LNPEP: variants seen among roughly 807,000 people sequenced by gnomAD.
LNPEP encodes leucyl and cystinyl aminopeptidase, also known as leucyl-cystinyl aminopeptidase.
A neutral mutation model predicts 120.6 loss-of-function variants in LNPEP; 64 were observed. The observed-to-expected ratio is 0.53, with a 90% CI of 0.43 to 0.65. The LOEUF (loss-of-function observed/expected upper bound fraction) is 0.65. Among genes scored for constraint, LNPEP ranks in the 30% least tolerant of loss-of-function variants. The pLI is 0.00. For synonymous variants in LNPEP, 435 were observed against 425.4 expected (o/e 1.02, Z -0.28); for missense variants, 1,057 against 1,200.0 (o/e 0.88, Z 1.76).
At chr5:96,997,339 G>A (rs1790536967) in intron 7 of LNPEP, among the ~76,000 whole-genome samples, 1 of 151,918 alleles carries the variant, frequency 6.6e-6, no homozygotes, top group Admixed American at 6.6e-5. Context: ...CAAGTGGTAG[G>A]GGAAATTAAT....
Position 97,003,494 on chromosome 5 carries a change from A to G in LNPEP, c.1733A>G (p.Asn578Ser), listed in dbSNP as rs754293178. ...CATGCTGTTGTCCTTTACCTGCATA[A>G]TCACAGCTATGCATCTATTCAAAGT... is the stretch of plus-strand genomic sequence containing the variant. ...FQHAVVLYLH[N>S]HSYASIQSDD... The change falls in exon 9 of 18, where the codon AAT (asparagine) becomes AGT (serine). Residue 578 changes from asparagine to serine, a missense_variant. Transcript: ENST00000231368. 2 of 1,604,294 alleles carry G rather than the reference A, an allele frequency of 1.2e-6. No homozygotes were observed. The highest frequency in any genetic ancestry group is 1.7e-6 in the Non-Finnish European group (2 of 1,172,368).
chr5:97,000,414 A>T (rs1267804954), intron 8 of LNPEP, among the ~76,000 whole-genome samples: 2 of 151,608 alleles, frequency 1.3e-5, no homozygotes, highest in African/African-American at 2.4e-5. Flanking sequence ...CTTGGGTGGC[A>T]TGTGGGAACT....
intron 13 of LNPEP, among the ~76,000 whole-genome samples, chr5:97,018,822 GAC>G (rs1791122886): frequency 5.3e-5 from 8 of 152,270 alleles, no homozygotes; most frequent in Admixed American, 5.2e-4. Context: ...GGCTGCACAT[GAC>G]ATATGCTGCA....
intron 4 of LNPEP, among the ~76,000 whole-genome samples, chr5:96,989,402 ATTATATATAAT>A (rs1790340643): frequency 3.4e-5 from 1 of 29,112 alleles, no homozygotes; most frequent in African/African-American, 1.1e-4. Flanking sequence ...TATATTATAT[ATTATATATAAT>A]ATATAATTAT....
intron 1 of LNPEP, among the ~76,000 whole-genome samples, chr5:96,967,432 A>C (rs948764209): frequency 3.3e-5 from 5 of 152,044 alleles, no homozygotes; most frequent in African/African-American, 9.7e-5. Context: ...GGTATGAACC[A>C]CTGTGCCTGG....
chr5:96,939,692 T>C (rs1288378180), intron 1 of LNPEP, among the ~76,000 whole-genome samples: 2 of 152,170 alleles, frequency 1.3e-5, no homozygotes, highest in East Asian at 3.8e-4. Flanking sequence ...CTTAGTTGTC[T>C]TAAAAAATTA....
chr5:96,936,407 C>T, intron 1 of LNPEP: 1 of 382,730 alleles, frequency 2.6e-6, no homozygotes, highest in Non-Finnish European at 4.7e-6. Flanking sequence ...CCGCCGCTCG[C>T]CCGGGGTGCG....
intron 11 of LNPEP, among the ~76,000 whole-genome samples, chr5:97,009,493 T>C (rs1790873944): frequency 6.6e-6 from 1 of 152,218 alleles, no homozygotes; most frequent in Non-Finnish European, 1.5e-5. Flanking sequence ...AGTCTCACTA[T>C]AAAAATTTCT....
chr5:97,008,693 C>A (rs1479951838), intron 11 of LNPEP, among the ~76,000 whole-genome samples: 2 of 118,220 alleles, frequency 1.7e-5, no homozygotes, highest in Non-Finnish European at 3.3e-5. Flanking sequence ...GAGACAGAGT[C>A]TCGCTCTGTT....
At position 97,034,910 on chromosome 5, in the gene LNPEP, G is replaced by T. The variant is rs952515877; in HGVS notation, c.*6377G>T. On this transcript the variant is annotated 3_prime_UTR_variant, in exon 18 of 18. Coordinates refer to ENST00000231368, the MANE Select transcript of LNPEP (RefSeq NM_005575.3). Reference sequence around the variant, plus strand: ...AATAGATGTTTGGTTTCTTTTGGGGGTGTCTGAGTGTATATGTGTGTGTAT... The same window carrying T: ...AATAGATGTTTGGTTTCTTTTGGGGTTGTCTGAGTGTATATGTGTGTGTAT... 7 of 151,774 alleles carry T rather than the reference G, an allele frequency of 4.6e-5. No homozygotes were observed. The highest frequency in any genetic ancestry group is 1.7e-4 in the African/African-American group (7 of 41,320). The allele number at this position is 151,774 out of a possible 1,614,324, so 9.4% of individuals were successfully genotyped here. A position where few individuals can be genotyped will look rare whatever the true frequency, so the allele number is the denominator to read the frequency against.
intron 1 of LNPEP, among the ~76,000 whole-genome samples, chr5:96,940,131 AG>A (rs1333410587): frequency 6.6e-6 from 1 of 152,188 alleles, no homozygotes; most frequent in East Asian, 1.9e-4. Flanking sequence ...TTAAAGCTAT[AG>A]CTAGAAACAG....
In LNPEP at chr5:96,993,033, C is replaced by T. The variant is rs765457174; in HGVS notation, c.1150C>T (p.Pro384Ser). The change falls in exon 5 of 18, where the codon CCA becomes TCA. Residue 384 changes from proline (P) to serine (S), a missense_variant. Coordinates refer to ENST00000231368, the MANE Select transcript of LNPEP (RefSeq NM_005575.3). ...NGTLVSIYAVPEKIGQVHYAL... is the reference protein window; with the variant it reads ...NGTLVSIYAVSEKIGQVHYAL... The stretch of plus-strand genomic sequence containing the variant: ...CCTTTAGGTTTCTATATATGCTGTA[C>T]CAGAAAAGATTGGTCAAGTTCATTA... 6.3e-7 allele frequency: 1 copy of T among 1,592,250 alleles called. No individual in the cohort carries two copies. The highest frequency in any genetic ancestry group is 8.6e-7 in the Non-Finnish European group (1 of 1,167,488).
rs779310728 is a variant in LNPEP at position 96,979,141 on chromosome 5, G to T, written c.23G>T (p.Arg8Leu). The change falls in exon 2 of 18, where the codon CGG becomes CTG. Residue 8 changes from arginine (R) to leucine (L), a missense_variant. Coordinates refer to ENST00000231368, the MANE Select transcript of LNPEP (RefSeq NM_005575.3). MEPFTND[R>L]LQLPRNMIEN... Reference sequence around the variant, plus strand: ...TTCTTATGTTTTGGTTTTTTAGATCGGCTTCAGCTCCCCAGGAATATGATT... The same window carrying T: ...TTCTTATGTTTTGGTTTTTTAGATCTGCTTCAGCTCCCCAGGAATATGATT... 1.3e-6 allele frequency: 2 copies of T among 1,587,532 alleles called. No individual in the cohort carries two copies. The highest frequency in any genetic ancestry group is 1.4e-5 in the African/African-American group (1 of 73,200).
At chr5:96,988,126 C>T (rs946444815) in intron 4 of LNPEP, among the ~76,000 whole-genome samples, 1 of 151,556 alleles carries the variant, frequency 6.6e-6, no homozygotes, top group South Asian at 2.1e-4. Context: ...ATTTTCCCCC[C>T]TTCTTTTCTT....
At chr5:97,008,880 C>G (rs925438624) in intron 11 of LNPEP, among the ~76,000 whole-genome samples, 3 of 151,848 alleles carry the variant, frequency 2.0e-5, no homozygotes, top group Non-Finnish European at 4.4e-5. Context: ...TCTCGATCTC[C>G]TGACCTCGTG....
chr5:96,986,698 G>A (rs992275204), intron 4 of LNPEP, 28 bp downstream of exon 4: 2 of 1,610,370 alleles, frequency 1.2e-6, no homozygotes, highest in Non-Finnish European at 1.7e-6. Flanking sequence ...TTGTCTGAAA[G>A]CCTGTGTCAC....
chr5:96,965,907 A>G (rs955974215), intron 1 of LNPEP, among the ~76,000 whole-genome samples: 9 of 152,086 alleles, frequency 5.9e-5, no homozygotes, highest in Admixed American at 6.6e-5. Context: ...ATTATATTAT[A>G]GTTATTTATT....
intron 6 of LNPEP, 197 bp from the exon 7 acceptor site, chr5:96,996,193 T>A (rs1334134589): frequency 1.0e-5 from 4 of 401,724 alleles, no homozygotes; most frequent in Non-Finnish European, 1.7e-5. Flanking sequence ...AATTATATTT[T>A]ATTTTTAAAG....
intron 1 of LNPEP, among the ~76,000 whole-genome samples, chr5:96,965,957 T>C (rs1183933253): frequency 6.6e-6 from 1 of 152,156 alleles, no homozygotes; most frequent in African/African-American, 2.4e-5. Context: ...GGATTCTTTA[T>C]GTGCTACGGT....
Sources: allele counts gnomAD v4.1 joint callset (sites outside exome capture counted in the v4.1 genomes callset), GRCh38; gene constraint gnomAD v4.1.1; transcripts MANE v1.5; gene names NCBI Gene and HGNC (gene_info 2026-07-23, HGNC 2026-07-21).